The following LRRK2 variants were observed in gnomAD, a reference collection of about 807,000 sequenced individuals.
The protein encoded by LRRK2 is leucine-rich repeat serine/threonine-protein kinase 2.
Under a neutral mutation model 302.6 loss-of-function variants are expected in LRRK2, and 203 were observed. The observed-to-expected ratio is 0.67, with a 90% confidence interval of 0.60 to 0.75. LRRK2 has a LOEUF of 0.75. Ranked by LOEUF, LRRK2 falls within the 30% of genes least tolerant of loss-of-function variation. The pLI, the probability that LRRK2 is intolerant of heterozygous loss-of-function variation, is 0.00. For missense variants in LRRK2, 2,830 were observed against 2,951.0 expected (o/e 0.96, Z 0.95); for synonymous variants, 1,066 against 1,031.9 (o/e 1.03, Z -0.63).
chr12:40,304,288 C>T (rs1944730829), intron 27 of LRRK2, 154 bp downstream of exon 27: 1 of 698,768 alleles, frequency 1.4e-6, no homozygotes, highest in Non-Finnish European at 2.3e-6. Flanking sequence ...ATCCAGATTT[C>T]CATTAAATTT....
In LRRK2 at chr12:40,327,152, GGAGAGT is replaced by G. The variant is rs141287859; in HGVS notation, c.5657-1207_5657-1202del. Reference sequence around the variant, plus strand: ...CAAACAGGATTTGCTAAATGTCGGTGGAGAGTAACAGTCCACGGGGCTGATCATGGT... The same window carrying G: ...CAAACAGGATTTGCTAAATGTCGGTGAACAGTCCACGGGGCTGATCATGGT... On this transcript the variant is annotated intron_variant, in intron 38 of 50. Coordinates refer to ENST00000298910, the MANE Select transcript of LRRK2 (RefSeq NM_198578.4). Among the ~76,000 whole-genome samples, 129 of 152,272 alleles carry G rather than the reference GGAGAGT, an allele frequency of 8.5e-4. 5 individuals are homozygous for G. In the East Asian group the frequency reaches 0.024, roughly 28 times the overall value.
chr12:40,346,704 A>T, intron 41 of LRRK2, 49 bp from the exon 42 acceptor site: 1 of 1,569,972 alleles, frequency 6.4e-7, no homozygotes. Context: ...CCTTGGATGT[A>T]TGAGCCCTGA....
rs1944808301 is a variant in LRRK2, at chr12:40,305,953, A to G, written c.3946A>G (p.Lys1316Glu). ...FDFKHIGCKA[K>E]DIIRFLQQRL... ...TTTTAAACATATAGGATGTAAAGCC[A>G]AAGACATCATAAGGTTAGATAATTT... Residue 1316 changes from lysine (K) to glutamate (E), a missense_variant, in exon 28 of 51, where the codon AAA (lysine) becomes GAA (glutamate). Physicochemically the swap from Lys to Glu is moderately conservative, Grantham distance 56 (BLOSUM62 1). Around this residue, in one of 3 missense-constraint regions of LRRK2, gnomAD observed 2,121 missense variants for 2,148.0 expected, o/e 0.99. Coordinates refer to ENST00000298910, the MANE Select transcript of LRRK2 (RefSeq NM_198578.4). 2.5e-6 allele frequency: 4 copies of G among 1,609,298 alleles called. No individual in the cohort carries two copies. The highest frequency in any genetic ancestry group is 3.4e-6 in the Non-Finnish European group (4 of 1,176,758).
Position 40,299,256 on chromosome 12 carries a change from T to C in LRRK2, c.3495T>C (p.Leu1165=), listed in dbSNP as rs140114815. Residue 1165 remains leucine, a splice_region_variant and synonymous_variant, in exon 25 of 51, where the codon CTT becomes CTC. Coordinates refer to ENST00000298910, the MANE Select transcript of LRRK2 (RefSeq NM_198578.4). The stretch of plus-strand genomic sequence containing the variant: ...GTTTCAGTGCCAGAATGAATTTTCT[T>C]GGTAAGTGTTCTGTGTGGGTCTCCT... ...VESFSARMNF[L]AAMPFLPPSM... 3.7e-6 allele frequency: 6 copies of C among 1,613,106 alleles called. No homozygotes were observed. In the African/African-American group the frequency reaches 5.3e-5, roughly 14 times the overall value.
chr12:40,306,039 C>A, intron 28 of LRRK2, 73 bp downstream of exon 28: 3 of 1,142,108 alleles, frequency 2.6e-6, no homozygotes, highest in Non-Finnish European at 3.8e-6. Flanking sequence ...CTTTGATGGA[C>A]ATATATTGTT....
chr12:40,321,776 T>G (rs1435260490), intron 35 of LRRK2, among the ~76,000 whole-genome samples: 1 of 152,066 alleles, frequency 6.6e-6, no homozygotes, highest in Non-Finnish European at 1.5e-5. Context: ...ATGATTTTCT[T>G]TCTTCATCTG....
At chr12:40,275,143 A>C in intron 16 of LRRK2, 150 bp downstream of exon 16, 1 of 872,832 alleles carries the variant, frequency 1.1e-6, no homozygotes, top group South Asian at 1.5e-5. Flanking sequence ...ACAAGCAAAG[A>C]AAATTGGATT....
chr12:40,295,290 C>A, intron 22 of LRRK2, 137 bp from the exon 23 acceptor site: 1 of 745,656 alleles, frequency 1.3e-6, no homozygotes. Context: ...GGAATGTAAA[C>A]TCCATAGTTT....
chr12:40,235,548 T>C, intron 3 of LRRK2, 78 bp from the exon 4 acceptor site: 1 of 918,650 alleles, frequency 1.1e-6, no homozygotes, highest in Non-Finnish European at 1.8e-6. Flanking sequence ...AAAAAATAGG[T>C]GAGCAAAAAA....
In LRRK2 at chr12:40,351,210, G is replaced by A. The variant is rs188007871; in HGVS notation, c.6382-329G>A. On this transcript the variant is annotated intron_variant, in intron 43 of 50. Coordinates refer to ENST00000298910, the MANE Select transcript of LRRK2 (RefSeq NM_198578.4). ...TGGCCCAAGGGTTTTTCTCTCACTGGCGGTGGCTCTGCAATATAGAATTGC... is the reference window on the plus strand; with the variant it reads ...TGGCCCAAGGGTTTTTCTCTCACTGACGGTGGCTCTGCAATATAGAATTGC... Among the ~76,000 whole-genome samples, 30 of 152,166 alleles carry A rather than the reference G, an allele frequency of 2.0e-4. No individual in the cohort carries two copies. In the East Asian group the frequency reaches 5.4e-3, roughly 27 times the overall value.
chr12:40,352,657 A>G (rs1406442902), intron 44 of LRRK2, among the ~76,000 whole-genome samples: 4 of 148,080 alleles, frequency 2.7e-5, no homozygotes, highest in Admixed American at 1.4e-4. Context: ...GGGAGTAGTG[A>G]TGACTCTTAA....
At chr12:40,279,430 C>A (rs546116399) in intron 18 of LRRK2, among the ~76,000 whole-genome samples, 190 of 152,044 alleles carry the variant, frequency 1.2e-3, no homozygotes, top group Non-Finnish European at 2.2e-3. Flanking sequence ...AGTCAAATTT[C>A]TTTTAAGCAA....
At chr12:40,345,655 A>G (rs560122074) in intron 41 of LRRK2, among the ~76,000 whole-genome samples, 1 of 149,648 alleles carries the variant, frequency 6.7e-6, no homozygotes, top group Admixed American at 6.6e-5. Flanking sequence ...AGAAAGAAAG[A>G]GTAGTACAAT....
intron 14 of LRRK2, among the ~76,000 whole-genome samples, chr12:40,272,325 T>A (rs1261579843): frequency 6.6e-6 from 1 of 152,222 alleles, no homozygotes; most frequent in African/African-American, 2.4e-5. Context: ...TTTAAGATAC[T>A]GGTATCAAGC....
At position 40,248,900 on chromosome 12, in the gene LRRK2, A is replaced by C. The variant is rs79166784; in HGVS notation, c.839-926A>C. On this transcript the variant is annotated intron_variant, in intron 7 of 50. Coordinates refer to ENST00000298910, the MANE Select transcript of LRRK2 (RefSeq NM_198578.4). Reference sequence around the variant, plus strand: ...CACTAGTGATCACTAAGGGCTGTGGAGAATTTTTGCTTGGTGGGTGAATGT... The same window carrying C: ...CACTAGTGATCACTAAGGGCTGTGGCGAATTTTTGCTTGGTGGGTGAATGT... Among the ~76,000 whole-genome samples, 30 of 152,298 alleles carry C rather than the reference A, an allele frequency of 2.0e-4. No individual in the cohort carries two copies. In the East Asian group the frequency reaches 5.8e-3, roughly 29 times the overall value.
Position 40,322,140 on chromosome 12 carries a change from C to T in LRRK2, c.5276C>T (p.Pro1759Leu), listed in dbSNP as rs771439305. ...GGATCTGAAGTCTTAGACAATCATCCAGAGAGTTTCTTAAAAATTACAGTT... is the reference window on the plus strand; with the variant it reads ...GGATCTGAAGTCTTAGACAATCATCTAGAGAGTTTCTTAAAAATTACAGTT... ...LVGSEVLDNH[P>L]ESFLKITVPS... Residue 1759 changes from proline (P) to leucine (L), a missense_variant, in exon 36 of 51, where the codon CCA becomes CTA. Physicochemically the swap from Pro to Leu is moderately conservative, Grantham distance 98. Around this residue, in one of 3 missense-constraint regions of LRRK2, gnomAD observed 2,121 missense variants for 2,148.0 expected, o/e 0.99. Coordinates refer to ENST00000298910, the MANE Select transcript of LRRK2 (RefSeq NM_198578.4). The T allele has an allele frequency of 3.1e-6, 5 of 1,612,464 alleles. No homozygotes were observed. The African/African-American group carries it at 5.4e-5, about 17-fold the overall frequency.
At chr12:40,244,979 AAC>A (rs1241213416) in intron 7 of LRRK2, among the ~76,000 whole-genome samples, 10 of 151,684 alleles carry the variant, frequency 6.6e-5, no homozygotes, top group Admixed American at 2.6e-4. Context: ...TCTGAAAATA[AAC>A]ACAGTTTTTT....
intron 43 of LRRK2, among the ~76,000 whole-genome samples, chr12:40,351,315 A>G (rs1946344986): frequency 6.6e-6 from 1 of 152,204 alleles, no homozygotes; most frequent in Non-Finnish European, 1.5e-5. Flanking sequence ...AAAAAATACT[A>G]CACATACCAA....
At chr12:40,256,712 C>T (rs1942528419) in intron 11 of LRRK2, among the ~76,000 whole-genome samples, 1 of 152,188 alleles carries the variant, frequency 6.6e-6, no homozygotes, top group African/African-American at 2.4e-5. Context: ...AGGCTGAAAG[C>T]AACCAAGCCT....
Sources: allele counts gnomAD v4.1 joint callset (sites outside exome capture counted in the v4.1 genomes callset), GRCh38; gene constraint gnomAD v4.1.1; regional missense constraint gnomAD v4.1.1; transcripts MANE v1.5; gene names NCBI Gene and HGNC (gene_info 2026-07-23, HGNC 2026-07-21).